The following EP400 variants were observed in gnomAD, a reference collection of about 807,000 sequenced individuals.
EP400 encodes E1A binding protein p400, also known as E1A-binding protein p400.
In EP400, 105 loss-of-function variants were observed where a neutral mutation model predicts 354.1. The ratio of observed to expected loss-of-function variants is 0.30; its 90% CI spans 0.25 to 0.35. The LOEUF (loss-of-function observed/expected upper bound fraction) is 0.35, where lower values mean the gene tolerates loss of function less well. Among genes scored for constraint, EP400 ranks in the 10% least tolerant of loss-of-function variants. The pLI, the probability that EP400 is intolerant of heterozygous loss-of-function variation, is 1.00. For synonymous variants in EP400, 1,646 were observed against 1,716.9 expected (o/e 0.96, Z 1.02); for missense variants, 3,280 against 4,121.0 (o/e 0.80, Z 5.59).
At chr12:132,024,983 TAGAG>T (rs1051167242) in intron 24 of EP400, among the ~76,000 whole-genome samples, 11 of 151,850 alleles carry the variant, frequency 7.2e-5, no homozygotes, top group African/African-American at 2.2e-4. Flanking sequence ...CTGACCTCCT[TAGAG>T]AGACACACAC....
chr12:132,002,760 A>C (rs1324500945), intron 12 of EP400, among the ~76,000 whole-genome samples: 13 of 152,226 alleles, frequency 8.5e-5, no homozygotes, highest in Non-Finnish European at 1.9e-4. Flanking sequence ...CACACCGGTC[A>C]GGCCAGGTCA....
At chr12:131,953,804 C>T (rs1379909697) in intron 1 of EP400, among the ~76,000 whole-genome samples, 2 of 152,020 alleles carry the variant, frequency 1.3e-5, no homozygotes, top group African/African-American at 4.8e-5. Context: ...TTCAAAGATA[C>T]ACAGAGATTG....
At position 132,014,811 on chromosome 12, in the gene EP400, G is replaced by A. The variant is rs868415174; in HGVS notation, c.3923+898G>A. Reference sequence around the variant, plus strand: ...GATGACATGGGGACCCTGATGAGGTGCTGTGGCGGGAGCAGACGCCAGGTG... The same window carrying A: ...GATGACATGGGGACCCTGATGAGGTACTGTGGCGGGAGCAGACGCCAGGTG... On this transcript the variant is annotated intron_variant, in intron 19 of 52. Coordinates refer to ENST00000389561, the MANE Select transcript of EP400 (RefSeq NM_015409.5). Among the ~76,000 whole-genome samples the A allele has an allele frequency of 1.1e-4, 16 of 152,322 alleles. No homozygotes were observed. The Middle Eastern group carries it at 0.017, about 162-fold the overall frequency.
intron 7 of EP400, 116 bp downstream of exon 7, chr12:131,988,006 TTTC>T: frequency 1.1e-6 from 1 of 911,518 alleles, no homozygotes; most frequent in Non-Finnish European, 1.5e-6. Context: ...TTTTTTTTTT[TTTC>T]CCCCAGACAG....
chr12:131,991,357 C>T (rs199718046), intron 9 of EP400, 50 bp from the exon 10 acceptor site: 74 of 1,599,878 alleles, frequency 4.6e-5, no homozygotes, highest in East Asian at 6.7e-5. Context: ...GAGACGCCCT[C>T]GCCAAGCATG....
intron 45 of EP400, among the ~76,000 whole-genome samples, chr12:132,056,132 G>A (rs918319381): frequency 6.6e-6 from 1 of 152,006 alleles, no homozygotes; most frequent in African/African-American, 2.4e-5. Flanking sequence ...TCTCTTGGGT[G>A]TTTCATCATC....
rs1893834758 is a variant in EP400 at position 132,013,696 on chromosome 12, A to G, written c.3786+32A>G. The G allele has an allele frequency of 6.2e-7, 1 of 1,604,732 alleles. No individual in the cohort carries two copies. Among genetic ancestry groups the G allele is most frequent in the Non-Finnish European group, 8.5e-7 (1 of 1,174,134 alleles). On this transcript the variant is annotated intron_variant, in intron 18 of 52. Coordinates refer to ENST00000389561, the MANE Select transcript of EP400 (RefSeq NM_015409.5). This position sits in a 1 kb window ranked among gnomAD's most constrained non-coding sequence, Gnocchi z 4.5. ...TGGGTTCTGCCATTTCAGTTAATTAATTAAACATGCGTATGCCTTGTTATA... is the reference window on the plus strand; with the variant it reads ...TGGGTTCTGCCATTTCAGTTAATTAGTTAAACATGCGTATGCCTTGTTATA...
intron 45 of EP400, among the ~76,000 whole-genome samples, chr12:132,060,910 G>A (rs1412870241): frequency 6.4e-5 from 5 of 78,738 alleles, no homozygotes; most frequent in African/African-American, 2.3e-4. Context: ...GCAAGACTCC[G>A]TCTCAAAAAA....
intron 2 of EP400, among the ~76,000 whole-genome samples, chr12:131,972,913 G>A (rs1197441047): frequency 1.3e-5 from 2 of 151,882 alleles, no homozygotes; most frequent in Non-Finnish European, 2.9e-5. Context: ...TGTATTTTTA[G>A]TAGAGGCGGG....
chr12:131,951,862 C>T (rs566488680), intron 1 of EP400, among the ~76,000 whole-genome samples: 8 of 151,396 alleles, frequency 5.3e-5, no homozygotes, highest in Admixed American at 1.3e-4. Flanking sequence ...CTGCAACCTC[C>T]GCCTCCCGGG....
intron 24 of EP400, among the ~76,000 whole-genome samples, chr12:132,024,240 G>A (rs1409706407): frequency 6.6e-6 from 1 of 152,154 alleles, no homozygotes; most frequent in Non-Finnish European, 1.5e-5. Context: ...AGGCGTGGTG[G>A]TGCTCTCCTG....
At position 132,064,781 on chromosome 12, in the gene EP400, G is replaced by A. The variant is rs144018934; in HGVS notation, c.8448G>A (p.Ser2816=). ...QPTAQVQVQT[S]QPPQQQSPQL... ...CAGCCCAAGTGCAAGTGCAGACCTC[G>A]CAGCCGCCGCAGCAGCAGAGCCCCC... is the stretch of plus-strand genomic sequence containing the variant. The change falls in exon 48 of 53, where the codon TCG becomes TCA. Residue 2816 remains serine (S), a synonymous_variant. Coordinates refer to ENST00000389561, the MANE Select transcript of EP400 (RefSeq NM_015409.5). 66 of 1,612,658 alleles carry A rather than the reference G, an allele frequency of 4.1e-5. No individual in the cohort carries two copies. Among genetic ancestry groups the A allele is most frequent in the Admixed American group, 1.7e-4 (10 of 60,004 alleles).
At chr12:132,072,133 G>C (rs868036595) in intron 51 of EP400, among the ~76,000 whole-genome samples, 2 of 152,166 alleles carry the variant, frequency 1.3e-5, no homozygotes, top group African/African-American at 2.4e-5. Context: ...TGCCTTGTCA[G>C]GTCTGTTTCT....
rs1338337761 is a variant in EP400 at position 131,950,038 on chromosome 12, T to A, written c.-36+2T>A. Reference sequence around the variant, plus strand: ...CGGAGCGCAGCCCTGAGGCCCAGGGTAAGTGAGGGCGGAGGCGCGGGACGG... The same window carrying A: ...CGGAGCGCAGCCCTGAGGCCCAGGGAAAGTGAGGGCGGAGGCGCGGGACGG... On this transcript the variant is annotated splice_donor_variant, in intron 1 of 52. Coordinates refer to ENST00000389561, the MANE Select transcript of EP400 (RefSeq NM_015409.5). LOFTEE classifies it low-confidence loss of function (5UTR_SPLICE). The A allele has an allele frequency of 6.6e-6, 1 of 151,520 alleles. No homozygotes were observed. Among genetic ancestry groups the A allele is most frequent in the African/African-American group, 2.4e-5 (1 of 41,288 alleles). 9.4% of individuals were successfully genotyped at this position (151,520 alleles called of 1,614,324 possible).
Position 132,043,579 on chromosome 12 carries a change from G to A in EP400, c.6367-66G>A, listed in dbSNP as rs1894985273. ...TGATTCAAATGTTGGTTAGTGGATTGTATAAGGAACTTGACTTTTATTAAC... is the reference window on the plus strand; with the variant it reads ...TGATTCAAATGTTGGTTAGTGGATTATATAAGGAACTTGACTTTTATTAAC... On this transcript the variant is annotated intron_variant, in intron 33 of 52. Coordinates refer to ENST00000389561, the MANE Select transcript of EP400 (RefSeq NM_015409.5). 1.1e-5 allele frequency: 17 copies of A among 1,578,616 alleles called. No individual in the cohort carries two copies. The South Asian group carries it at 1.5e-4, about 14-fold the overall frequency.
At chr12:131,971,802 A>G (rs1319370335) in intron 2 of EP400, among the ~76,000 whole-genome samples, 1 of 151,886 alleles carries the variant, frequency 6.6e-6, no homozygotes, top group Non-Finnish European at 1.5e-5. Flanking sequence ...TTTAAATTGT[A>G]TGTATGTATT....
In EP400 at chr12:132,080,042, G is replaced by A. The variant is rs879499566; in HGVS notation, c.*2369G>A. 6.6e-6 allele frequency: 1 copy of A among 152,250 alleles called. No individual in the cohort carries two copies. The highest frequency in any genetic ancestry group is 2.4e-5 in the African/African-American group (1 of 41,466). 9.4% of individuals were successfully genotyped at this position (152,250 alleles called of 1,614,324 possible). A position where few individuals can be genotyped will look rare whatever the true frequency, so the allele number is the denominator to read the frequency against. On this transcript the variant is annotated 3_prime_UTR_variant, in exon 53 of 53. Coordinates refer to ENST00000389561, the MANE Select transcript of EP400 (RefSeq NM_015409.5). Reference sequence around the variant, plus strand: ...GGGTTCATTCCAATACGGCAAGTAAGAGTTGGAAACTTTGAGAACACAGAC... The same window carrying A: ...GGGTTCATTCCAATACGGCAAGTAAAAGTTGGAAACTTTGAGAACACAGAC...
In EP400 at chr12:132,060,020, T is replaced by TA. The variant is rs80274208; in HGVS notation, c.7885-2076dup. ...CCTGGGTGACAGAGCGAGACTCCGTTAAAAAAAAAAAAAAGTTATGCTTTC... is the reference window on the plus strand; with the variant it reads ...CCTGGGTGACAGAGCGAGACTCCGTTAAAAAAAAAAAAAAAGTTATGCTTTC... On this transcript the variant is annotated intron_variant, in intron 45 of 52. Transcript: ENST00000389561. Among the ~76,000 whole-genome samples the TA allele has an allele frequency of 6.3e-3, 903 of 143,778 alleles. 3 individuals are homozygous for TA. Among genetic ancestry groups the TA allele is most frequent in the African/African-American group, 0.014 (540 of 39,432 alleles). The allele number at this position is 143,778 out of a possible 152,430, so 94.3% of individuals were successfully genotyped here.
intron 1 of EP400, among the ~76,000 whole-genome samples, chr12:131,952,791 C>T (rs565067106): frequency 5.3e-5 from 8 of 152,178 alleles, no homozygotes; most frequent in South Asian, 2.1e-4. Flanking sequence ...TTGGTGTGAA[C>T]GTACCGGTTT....
Sources: gnomAD v4.1 joint callset for allele counts (sites outside exome capture counted in the v4.1 genomes callset) on GRCh38, gnomAD v4.1.1 for gene constraint, Gnocchi (gnomAD v3.1) non-coding constraint, MANE v1.5 for transcripts, NCBI Gene and HGNC (gene_info 2026-07-23, HGNC 2026-07-21) for gene names.